The following DDX27 variants were observed in gnomAD, a reference collection of about 807,000 sequenced individuals.
The protein encoded by DDX27 is DEAD-box helicase 27.
In DDX27, 42 loss-of-function variants were observed where a neutral mutation model predicts 99.3. The ratio of observed to expected loss-of-function variants is 0.42; its 90% CI spans 0.33 to 0.55. DDX27 has a LOEUF of 0.55. Ranked by LOEUF, DDX27 falls within the 20% of genes least tolerant of loss-of-function variation. The probability of loss-of-function intolerance (pLI) is 0.07; values close to 1 mark genes in which losing one functional copy is unlikely to be tolerated. For synonymous variants in DDX27, 329 were observed against 353.8 expected (o/e 0.93, Z 0.79); for missense variants, 798 against 976.8 (o/e 0.82, Z 2.44).
At chr20:49,242,555 C>T in intron 18 of DDX27, 39 bp from the exon 19 acceptor site, 1 of 1,593,764 alleles carries the variant, frequency 6.3e-7, no homozygotes, top group Non-Finnish European at 8.6e-7. Context: ...GAGCTTGGGC[C>T]AAAGACAACC....
At chr20:49,239,603 A>G (rs981199515) in intron 16 of DDX27, among the ~76,000 whole-genome samples, 2 of 152,230 alleles carry the variant, frequency 1.3e-5, no homozygotes, top group South Asian at 2.1e-4. Flanking sequence ...TGCTGATCTG[A>G]CAGGAGGCCA....
At chr20:49,230,602 T>G (rs1468580027) in intron 9 of DDX27, among the ~76,000 whole-genome samples, 1 of 152,214 alleles carries the variant, frequency 6.6e-6, no homozygotes, top group Non-Finnish European at 1.5e-5. Context: ...TAAGGGAGAT[T>G]TGGAAATATT....
intron 18 of DDX27, 130 bp downstream of exon 18, chr20:49,242,336 T>C (rs1980507316): frequency 7.0e-7 from 1 of 1,422,270 alleles, no homozygotes; most frequent in Non-Finnish European, 9.4e-7. Flanking sequence ...TGTACCAATG[T>C]GTACAGCTAT....
chr20:49,243,776 C>T (rs747531692), intron 20 of DDX27, 40 bp from the exon 21 acceptor site: 57 of 1,613,926 alleles, frequency 3.5e-5, no homozygotes, highest in Non-Finnish European at 4.7e-5. Context: ...AAAGAAGCTT[C>T]TCCATCCTCA....
intron 11 of DDX27, chr20:49,234,036 C>T (rs923607976): frequency 5.3e-5 from 15 of 283,000 alleles, no homozygotes; most frequent in Non-Finnish European, 7.5e-5. Flanking sequence ...TGCTTCCACT[C>T]GGCCTTTTGT....
chr20:49,222,412 C>T lies in DDX27; in HGVS notation c.241-545C>T, dbSNP rs376343416. Among the ~76,000 whole-genome samples the T allele has an allele frequency of 5.3e-4, 80 of 152,236 alleles. 1 individual carries two copies. In the South Asian group the frequency reaches 0.013, roughly 25 times the overall value. On this transcript the variant is annotated intron_variant, in intron 2 of 20. Transcript: ENST00000618172. ...GCAACCTCTGCCTCCTGGGTTCAAG[C>T]GATTCTCCTGCCTCAGCCTCTTGAG...
rs1246711421 is a variant in DDX27 at position 49,235,040 on chromosome 20, G to A, written c.1379G>A (p.Gly460Asp). 1 of 1,613,152 alleles carries A rather than the reference G, an allele frequency of 6.2e-7. No homozygotes were observed. The highest frequency in any genetic ancestry group is 2.2e-5 in the East Asian group (1 of 44,848). Residue 460 changes from glycine to aspartate, a missense_variant, in exon 12 of 21, where the codon GGT becomes GAT. Gly to Asp is a moderately conservative substitution (Grantham distance 94). Transcript: ENST00000618172. ...CTGGGGCTCATGGGGCTGCAGGTGG[G>A]TGAGCTCCATGGCAACTTGTCACAG... ...ILLGLMGLQV[G>D]ELHGNLSQTQ...
chr20:49,238,701 C>G (rs994034563), intron 14 of DDX27: 2 of 483,138 alleles, frequency 4.1e-6, no homozygotes, highest in African/African-American at 2.0e-5. Flanking sequence ...CTCCTGACCT[C>G]AGGTGATCCA....
At chr20:49,222,916 C>T in intron 2 of DDX27, 41 bp from the exon 3 acceptor site, 1 of 1,525,990 alleles carries the variant, frequency 6.6e-7, no homozygotes, top group Non-Finnish European at 8.9e-7. Flanking sequence ...TTCGATGTTT[C>T]AATGAAAATT....
At chr20:49,238,786 TTTTTG>T in intron 14 of DDX27, 158 bp from the exon 15 acceptor site, 10 of 267,164 alleles carry the variant, frequency 3.7e-5, no homozygotes, top group Admixed American at 1.1e-4. Flanking sequence ...TTTTTTTTTT[TTTTTG>T]TAGAGACAGA....
intron 4 of DDX27, 155 bp from the exon 5 acceptor site, chr20:49,224,790 A>G (rs1979816899): frequency 1.2e-5 from 9 of 745,676 alleles, no homozygotes; most frequent in Non-Finnish European, 1.8e-5. Flanking sequence ...TTACTTCACC[A>G]TGCTGCCACA....
rs1373150992 is a variant in DDX27, at chr20:49,230,209, T to C, written c.891T>C (p.Asp297=). The C allele has an allele frequency of 1.2e-6, 2 of 1,612,522 alleles. No individual in the cohort carries two copies. The highest frequency in any genetic ancestry group is 2.2e-5 in the South Asian group (2 of 91,048). Residue 297 remains aspartate (D), a synonymous_variant, in exon 9 of 21, where the codon GAT becomes GAC. Transcript: ENST00000618172. Reference sequence around the variant, plus strand: ...CTCTTCTCTTTGCAGGCGGCTTGGATGTGAAGTCTCAGGAAGCAGCTCTTC... The same window carrying C: ...CTCTTCTCTTTGCAGGCGGCTTGGACGTGAAGTCTCAGGAAGCAGCTCTTC... ...ITTCLAVGGL[D]VKSQEAALRA...
intron 14 of DDX27, among the ~76,000 whole-genome samples, chr20:49,237,694 A>G (rs968439722): frequency 2.6e-5 from 4 of 152,220 alleles, no homozygotes; most frequent in African/African-American, 9.6e-5. Flanking sequence ...AGGCCTCTGC[A>G]CAGCTGGCAT....
At chr20:49,230,456 G>A in intron 9 of DDX27, 107 bp downstream of exon 9, 1 of 1,335,918 alleles carries the variant, frequency 7.5e-7, no homozygotes, top group Non-Finnish European at 1.0e-6. Flanking sequence ...GGCCATGGCT[G>A]TTGGTGTGCG....
chr20:49,241,973 AAGG>A lies in DDX27; in HGVS notation c.1979_1981del (p.Lys660_Gly661delinsArg), dbSNP rs1276997993. 1 of 1,613,468 alleles carries A rather than the reference AAGG, an allele frequency of 6.2e-7. No homozygotes were observed. The highest frequency in any genetic ancestry group is 1.7e-5 in the Admixed American group (1 of 59,822). On this transcript the variant is annotated inframe_deletion, in exon 17 of 21. Transcript: ENST00000618172. ...GAAGTTTATGAAGGATGCCAAAAAA[AAGG>A]GGGAGATGACAGTGAGTGGCCTCCC...
rs778870056 is a variant in DDX27 at position 49,234,945 on chromosome 20, G to T, written c.1284G>T (p.Thr428=). The change falls in exon 12 of 21, where the codon ACG becomes ACT. Residue 428 remains threonine (T), a synonymous_variant. Transcript: ENST00000618172. ...DREAIVAALL[T]RTFTDHVMLF... is the part of the protein sequence containing the mutation. The stretch of plus-strand genomic sequence containing the variant: ...CTCTCTTCCTGCCAGCTTTGTTGAC[G>T]AGGACCTTCACTGACCATGTGATGC... 6.3e-7 allele frequency: 1 copy of T among 1,597,872 alleles called. No homozygotes were observed. Among genetic ancestry groups the T allele is most frequent in the Non-Finnish European group, 8.5e-7 (1 of 1,170,750 alleles).
chr20:49,241,116 A>G (rs1600977391), intron 16 of DDX27, among the ~76,000 whole-genome samples: 1 of 152,336 alleles, frequency 6.6e-6, no homozygotes, highest in East Asian at 1.9e-4. Context: ...TTTACAATTA[A>G]GCAAGTGTAT....
chr20:49,230,500 C>A, intron 9 of DDX27, 151 bp downstream of exon 9: 1 of 864,642 alleles, frequency 1.2e-6, no homozygotes, highest in Non-Finnish European at 1.7e-6. Flanking sequence ...GGGGCCTCTG[C>A]CCAGCCTTAG....
At chr20:49,225,025 G>C (rs1979829960) in intron 5 of DDX27, 34 bp downstream of exon 5, 1 of 1,614,016 alleles carries the variant, frequency 6.2e-7, no homozygotes, top group Non-Finnish European at 8.5e-7. Flanking sequence ...TATGCAGCTT[G>C]TTGGCAAACC....
Sources: allele counts gnomAD v4.1 joint callset (sites outside exome capture counted in the v4.1 genomes callset), GRCh38; gene constraint gnomAD v4.1.1; transcripts MANE v1.5; gene names NCBI Gene and HGNC (gene_info 2026-07-23, HGNC 2026-07-21).